CTTN: variants seen among roughly 807,000 people sequenced by gnomAD.
CTTN encodes src substrate cortactin.
Under a neutral mutation model 84.0 loss-of-function variants are expected in CTTN, and 28 were observed. That is an observed-to-expected ratio of 0.33 (90% CI 0.25 to 0.46). The LOEUF is 0.46. Among genes scored for constraint, CTTN ranks in the 20% least tolerant of loss-of-function variants. The pLI is 1.00. For missense variants in CTTN, 641 were observed against 723.8 expected (o/e 0.89, Z 1.31); for synonymous variants, 301 against 288.8 (o/e 1.04, Z -0.43).
intron 12 of CTTN, 98 bp from the exon 13 acceptor site, chr11:70,425,234 G>A (rs752644893): frequency 9.7e-6 from 9 of 929,602 alleles, no homozygotes; most frequent in Non-Finnish European, 1.4e-5. Flanking sequence ...GGGCCTTTGG[G>A]AAGATCTGGG....
intron 1 of CTTN, among the ~76,000 whole-genome samples, chr11:70,399,910 C>G (rs1410980536): frequency 6.6e-6 from 1 of 152,068 alleles, no homozygotes; most frequent in Non-Finnish European, 1.5e-5. Context: ...CCGGCCGGGC[C>G]CAAGGCCGTG....
Position 70,421,598 on chromosome 11 carries a change from C to T in CTTN, c.901+18C>T. ...CCAGCAAGGCACAGTTGCCACCAGC[C>T]TCCTACCCTCCCCCCGACCCTCCTG... On this transcript the variant is annotated intron_variant, in intron 11 of 17. Transcript: ENST00000301843. 5.1e-6 allele frequency: 8 copies of T among 1,568,420 alleles called. No homozygotes were observed. The highest frequency in any genetic ancestry group is 7.0e-6 in the Non-Finnish European group (8 of 1,138,502).
At chr11:70,407,838 A>C in intron 4 of CTTN, 2 of 474,742 alleles carry the variant, frequency 4.2e-6, no homozygotes, top group South Asian at 3.7e-5. Flanking sequence ...CATTGCAAAC[A>C]ATTTCCGTAT....
chr11:70,398,940 G>A (rs34733714), intron 1 of CTTN, among the ~76,000 whole-genome samples: 24,441 of 150,948 alleles, frequency 0.16, 2,161 homozygotes, highest in African/African-American at 0.2. Flanking sequence ...AGCTCTGAGG[G>A]GAGGGTCCCT....
chr11:70,409,758 A>G lies in CTTN; in HGVS notation c.162-73A>G, dbSNP rs1292434019. 5 of 1,500,438 alleles carry G rather than the reference A, an allele frequency of 3.3e-6. No individual in the cohort carries two copies. In the African/African-American group the frequency reaches 5.6e-5, roughly 17 times the overall value. The allele number at this position is 1,500,438 out of a possible 1,614,324, so 92.9% of individuals were successfully genotyped here. On this transcript the variant is annotated intron_variant, in intron 4 of 17. Transcript: ENST00000301843. Reference sequence around the variant, plus strand: ...TACAAAGATAATGTCACCTGTTCTTATTTATCATACCAGGAGGCAAAGCTG... The same window carrying G: ...TACAAAGATAATGTCACCTGTTCTTGTTTATCATACCAGGAGGCAAAGCTG...
chr11:70,427,215 T>C (rs1487254900), intron 13 of CTTN, among the ~76,000 whole-genome samples: 1 of 152,048 alleles, frequency 6.6e-6, no homozygotes, highest in East Asian at 2.0e-4. Context: ...CTGGGCATGG[T>C]GGTCCACGCC....
chr11:70,429,315 G>C, intron 14 of CTTN, 116 bp downstream of exon 14: 1 of 1,225,258 alleles, frequency 8.2e-7, no homozygotes, highest in Admixed American at 2.2e-5. Flanking sequence ...TCCTTGGAAG[G>C]CATGTTTAAC....
intron 12 of CTTN, among the ~76,000 whole-genome samples, chr11:70,424,708 G>T (rs936023073): frequency 6.6e-6 from 1 of 151,998 alleles, no homozygotes; most frequent in African/African-American, 2.4e-5. Flanking sequence ...GGACAGGCGG[G>T]CCAGGAAGGG....
chr11:70,428,240 A>G (rs1432915450), intron 13 of CTTN, among the ~76,000 whole-genome samples: 1 of 133,410 alleles, frequency 7.5e-6, no homozygotes. Context: ...ATCTCGGCTC[A>G]CTGCAACCCC....
At chr11:70,427,844 G>C (rs1188274268) in intron 13 of CTTN, among the ~76,000 whole-genome samples, 1 of 152,236 alleles carries the variant, frequency 6.6e-6, no homozygotes, top group Non-Finnish European at 1.5e-5. Context: ...GCATGTTCAT[G>C]TGGCAGCCTC....
Position 70,435,596 on chromosome 11 carries a change from CG to C in CTTN, c.*435del. 1 of 1,577,834 alleles carries C rather than the reference CG, an allele frequency of 6.3e-7. No homozygotes were observed. The highest frequency in any genetic ancestry group is 1.1e-5 in the South Asian group (1 of 88,206). ...GGTAGGCAGGAAGGACTGTCCCAGA[CG>C]AGGGGCTTCCTCTAGAGTCTCACTG... is the stretch of plus-strand genomic sequence containing the variant. On this transcript the variant is annotated 3_prime_UTR_variant, in exon 18 of 18. Transcript: ENST00000301843.
intron 1 of CTTN, among the ~76,000 whole-genome samples, chr11:70,401,573 A>C (rs999350219): frequency 5.9e-5 from 9 of 151,334 alleles, no homozygotes; most frequent in Non-Finnish European, 1.0e-4. Flanking sequence ...GCTTGAACCC[A>C]GGAGGCAGAG....
Position 70,435,275 on chromosome 11 carries a change from T to TTC in CTTN, c.*114_*115insCT. 7.2e-7 allele frequency: 1 copy of TTC among 1,385,534 alleles called. No individual in the cohort carries two copies. Among genetic ancestry groups the TTC allele is most frequent in the Non-Finnish European group, 9.3e-7 (1 of 1,071,774 alleles). 85.8% of individuals were successfully genotyped at this position (1,385,534 alleles called of 1,614,324 possible). A position where few individuals can be genotyped will look rare whatever the true frequency, so the allele number is the denominator to read the frequency against. ...TCTGTTTTTTTTTTTTTTTTTTTTT[T>TTC]TTTGAAGGTGGGGAGGGGAATATAC... On this transcript the variant is annotated 3_prime_UTR_variant, in exon 18 of 18. Coordinates refer to ENST00000301843, the MANE Select transcript of CTTN (RefSeq NM_005231.4).
chr11:70,414,367 A>G (rs1362676798), intron 5 of CTTN, among the ~76,000 whole-genome samples, 175 bp from the exon 6 acceptor site: 2 of 150,616 alleles, frequency 1.3e-5, no homozygotes, highest in Non-Finnish European at 3.0e-5. Context: ...GCCTGCACCA[A>G]GGACCCGGGC....
Position 70,419,750 on chromosome 11 carries a change from C to T in CTTN, c.573C>T (p.Tyr191=), listed in dbSNP as rs774204601. 9 of 1,609,310 alleles carry T rather than the reference C, an allele frequency of 5.6e-6. No individual in the cohort carries two copies. The highest frequency in any genetic ancestry group is 2.2e-5 in the South Asian group (2 of 89,526). ...TCCTTTTTTGTTTGTTTTTAGATTA[C>T]TCCAAAGGTTTCGGCGGCAAATACG... The part of the protein sequence containing the change: ...KTEKHESQRD[Y]SKGFGGKYGI... Residue 191 remains tyrosine, a synonymous_variant, in exon 9 of 18, where the codon TAC becomes TAT. Transcript: ENST00000301843.
chr11:70,407,047 A>G (rs147856885), intron 2 of CTTN, among the ~76,000 whole-genome samples: 15 of 152,342 alleles, frequency 9.8e-5, no homozygotes, highest in African/African-American at 3.4e-4. Flanking sequence ...TTCTCACTCA[A>G]GGTGAAGCCA....
At chr11:70,408,387 A>G (rs1407175461) in intron 4 of CTTN, 1 of 151,480 alleles carries the variant, frequency 6.6e-6, no homozygotes, top group Non-Finnish European at 1.5e-5. Flanking sequence ...GTTGTTAAAG[A>G]TTTATTTATT....
intron 4 of CTTN, among the ~76,000 whole-genome samples, chr11:70,409,403 C>T (rs543458894): frequency 4.0e-4 from 61 of 152,332 alleles, no homozygotes; most frequent in Non-Finnish European, 7.6e-4. Context: ...CAAGTACAGA[C>T]GAATCATCTG....
rs2058133600 is a variant in CTTN, at chr11:70,414,405, G to A, written c.292-137G>A. 7.0e-6 allele frequency: 4 copies of A among 574,340 alleles called. No homozygotes were observed. The Admixed American group carries it at 1.3e-4, about 19-fold the overall frequency. The allele number at this position is 574,340 out of a possible 1,614,324, so 35.6% of individuals were successfully genotyped here. A position where few individuals can be genotyped will look rare whatever the true frequency, so the allele number is the denominator to read the frequency against. On this transcript the variant is annotated intron_variant, in intron 5 of 17. Coordinates refer to ENST00000301843, the MANE Select transcript of CTTN (RefSeq NM_005231.4). ...CCCAGGAGTCGTGTCGCCTTCCTTGGCTCCCCAGATGGGTGTGTTAATGTA... is the reference window on the plus strand; with the variant it reads ...CCCAGGAGTCGTGTCGCCTTCCTTGACTCCCCAGATGGGTGTGTTAATGTA...
Sources: gnomAD v4.1 joint callset for allele counts (sites outside exome capture counted in the v4.1 genomes callset) on GRCh38, gnomAD v4.1.1 for gene constraint, MANE v1.5 for transcripts, NCBI Gene and HGNC (gene_info 2026-07-23, HGNC 2026-07-21) for gene names.